RGS6: variants seen among roughly 807,000 people sequenced by gnomAD.
The protein encoded by RGS6 is regulator of G-protein signaling 6.
In RGS6, 30 loss-of-function variants were observed where a neutral mutation model predicts 78.5. That is an observed-to-expected ratio of 0.38 (90% CI 0.29 to 0.52). The LOEUF (loss-of-function observed/expected upper bound fraction) is 0.52. Ranked by LOEUF, RGS6 falls within the 20% of genes least tolerant of loss-of-function variation. RGS6 has a pLI of 0.85. For synonymous variants in RGS6, 206 were observed against 206.0 expected, an observed-to-expected ratio of 1.00 and a Z score of 0.00; for missense variants, 495 against 609.7, an observed-to-expected ratio of 0.81 and a Z score of 1.98.
At chr14:72,091,522 G>A (rs901655825) in intron 2 of RGS6, among the ~76,000 whole-genome samples, 26 of 152,238 alleles carry the variant, frequency 1.7e-4, no homozygotes, top group African/African-American at 5.8e-4. Flanking sequence ...TGTGACTTTT[G>A]ACTCATCTGA....
chr14:72,088,772 T>A (rs149951912), intron 2 of RGS6, among the ~76,000 whole-genome samples: 20 of 152,206 alleles, frequency 1.3e-4, no homozygotes, highest in African/African-American at 4.8e-4. Context: ...AGCCCCTGCC[T>A]ATGTTCCCCT....
chr14:72,320,033 T>C lies in RGS6; in HGVS notation c.85-32062T>C, dbSNP rs551945210. 9.8e-5 allele frequency among the ~76,000 whole-genome samples: 15 copies of C among 152,294 alleles called. No individual in the cohort carries two copies. The South Asian group carries it at 2.5e-3, about 25-fold the overall frequency. ...ATAGATCTTGGAGATAAGAATGATT[T>C]GGTCACACCAGCAGGAATATCAAGT... On this transcript the variant is annotated intron_variant, in intron 2 of 17. Transcript: ENST00000553525.
intron 2 of RGS6, among the ~76,000 whole-genome samples, chr14:72,127,078 T>G (rs1317137876): frequency 1.3e-5 from 2 of 152,206 alleles, no homozygotes; most frequent in African/African-American, 4.8e-5. Flanking sequence ...TAAAATTGTC[T>G]TATCAAAATA....
rs77540805 is a variant in RGS6 at position 72,233,478 on chromosome 14, A to G, written c.85-118617A>G. Among the ~76,000 whole-genome samples, 410 of 152,330 alleles carry G rather than the reference A, an allele frequency of 2.7e-3. 11 individuals are homozygous for G. The East Asian group carries it at 0.07, about 26-fold the overall frequency. On this transcript the variant is annotated intron_variant, in intron 2 of 17. Transcript: ENST00000553525. ...CGTGGGACTTATAGATGGCTTATCA[A>G]TGTGGAAACTGTATTAAAAATAAGT...
At position 71,981,220 on chromosome 14, in the gene RGS6, G is replaced by T. The variant is rs888450064; in HGVS notation, c.84+16345G>T. ...CCTTTGGTTTGAATGTCCTCCCGTAGCTCAGAGTAATTTGATCGTCTGAAG... is the reference window on the plus strand; with the variant it reads ...CCTTTGGTTTGAATGTCCTCCCGTATCTCAGAGTAATTTGATCGTCTGAAG... On this transcript the variant is annotated intron_variant, in intron 2 of 17. Transcript: ENST00000553525. Among the ~76,000 whole-genome samples the T allele has an allele frequency of 1.7e-3, 259 of 150,466 alleles. 1 individual carries two copies. The highest frequency in any genetic ancestry group is 3.8e-3 in the African/African-American group (156 of 41,272).
intron 2 of RGS6, among the ~76,000 whole-genome samples, chr14:72,123,401 T>C (rs1382398214): frequency 6.6e-6 from 1 of 152,214 alleles, no homozygotes; most frequent in Non-Finnish European, 1.5e-5. Flanking sequence ...AAGCACAGTT[T>C]TGTAAGCTTT....
chr14:72,325,795 C>T (rs1172452952), intron 2 of RGS6, among the ~76,000 whole-genome samples: 1 of 152,006 alleles, frequency 6.6e-6, no homozygotes, highest in Non-Finnish European at 1.5e-5. Context: ...CACAGTCTCA[C>T]TCACAATAAA....
intron 3 of RGS6, among the ~76,000 whole-genome samples, chr14:72,383,181 T>TATATATATAC (rs1365865316): frequency 9.5e-4 from 71 of 74,696 alleles, no homozygotes; most frequent in African/African-American, 4.7e-3. Flanking sequence ...ATTGTACATA[T>TATATATATAC]ATATATATAT....
At chr14:72,303,988 C>T (rs555961452) in intron 2 of RGS6, among the ~76,000 whole-genome samples, 29 of 152,322 alleles carry the variant, frequency 1.9e-4, no homozygotes, top group Non-Finnish European at 2.4e-4. Context: ...TAAATGGTTC[C>T]TCTATCATCT....
At chr14:72,272,762 G>T (rs777569348) in intron 2 of RGS6, among the ~76,000 whole-genome samples, 4 of 152,184 alleles carry the variant, frequency 2.6e-5, no homozygotes, top group Non-Finnish European at 5.9e-5. Flanking sequence ...TTAGGTAAAT[G>T]AATTAGATGA....
In RGS6 at chr14:72,234,961, C is replaced by T. The variant is rs573962886; in HGVS notation, c.85-117134C>T. Among the ~76,000 whole-genome samples the T allele has an allele frequency of 2.0e-5, 3 of 152,262 alleles. No individual in the cohort carries two copies. In the South Asian group the frequency reaches 6.2e-4, roughly 32 times the overall value. On this transcript the variant is annotated intron_variant, in intron 2 of 17. Transcript: ENST00000553525. ...GGCACCATATTGTCAGCCTGATTTCCCACCTCAGAGACGATATTCTTGTCC... is the reference window on the plus strand; with the variant it reads ...GGCACCATATTGTCAGCCTGATTTCTCACCTCAGAGACGATATTCTTGTCC...
At chr14:72,535,602 C>T (rs1283234489) in intron 15 of RGS6, among the ~76,000 whole-genome samples, 1 of 152,132 alleles carries the variant, frequency 6.6e-6, no homozygotes, top group Non-Finnish European at 1.5e-5. Context: ...TAGTTCTATA[C>T]AACTTTATCA....
At chr14:72,006,345 A>ACCTC (rs1449106232) in intron 2 of RGS6, among the ~76,000 whole-genome samples, 1 of 152,120 alleles carries the variant, frequency 6.6e-6, no homozygotes, top group African/African-American at 2.4e-5. Context: ...AACAGTCCCT[A>ACCTC]CCTCCTCATA....
chr14:72,600,499 T>C, the RGS6 span, among the ~76,000 whole-genome samples: 1 of 151,912 alleles, frequency 6.6e-6, no homozygotes, highest in African/African-American at 2.4e-5. Context: ...AAATGAAGGG[T>C]TGCACGATAA....
At chr14:72,248,733 TGG>T (rs1425178343) in intron 2 of RGS6, among the ~76,000 whole-genome samples, 5 of 152,234 alleles carry the variant, frequency 3.3e-5, no homozygotes, top group African/African-American at 4.8e-5. Flanking sequence ...GCCTGATCTT[TGG>T]GCCATTGACA....
chr14:71,964,808 G>T lies in RGS6; in HGVS notation c.17G>T (p.Gly6Val). 6.2e-7 allele frequency: 1 copy of T among 1,613,504 alleles called. No individual in the cohort carries two copies. Among genetic ancestry groups the T allele is most frequent in the Middle Eastern group, 1.7e-4 (1 of 5,868 alleles). Residue 6 changes from glycine (G) to valine (V), a missense_variant, in exon 2 of 18, where the codon GGG becomes GTG. Physicochemically the swap from Gly to Val is moderately radical, Grantham distance 109. Coordinates refer to ENST00000553525, the MANE Select transcript of RGS6 (RefSeq NM_001204424.2). The stretch of plus-strand genomic sequence containing the variant: ...ACACTCAGGATGGCTCAAGGATCCG[G>T]GGATCAAAGAGCAGTGGGGGTTGCT... MAQGS[G>V]DQRAVGVADP...
At chr14:72,147,967 T>C (rs1169190137) in intron 2 of RGS6, among the ~76,000 whole-genome samples, 1 of 151,686 alleles carries the variant, frequency 6.6e-6, no homozygotes, top group African/African-American at 2.4e-5. Context: ...CCATCTCTAC[T>C]AAAAATACAA....
intron 2 of RGS6, among the ~76,000 whole-genome samples, chr14:72,192,980 G>GTTTTTTTTTTT (rs35795281): frequency 1.4e-5 from 2 of 140,178 alleles, no homozygotes; most frequent in East Asian, 2.1e-4. Flanking sequence ...GCTGGGTTGG[G>GTTTTTTTTTTT]TTTTTTTTTT....
intron 13 of RGS6, among the ~76,000 whole-genome samples, chr14:72,503,627 G>GT (rs2096759096): frequency 6.6e-6 from 1 of 152,192 alleles, no homozygotes; most frequent in South Asian, 2.1e-4. Context: ...TGGGTTCCAA[G>GT]TAAGTCCAAA....
Sources: gnomAD v4.1 joint callset for allele counts (sites outside exome capture counted in the v4.1 genomes callset) on GRCh38, gnomAD v4.1.1 for gene constraint, MANE v1.5 for transcripts, NCBI Gene and HGNC (gene_info 2026-07-23, HGNC 2026-07-21) for gene names.